MICU1: variants seen among roughly 807,000 people sequenced by gnomAD.
MICU1 encodes mitochondrial calcium uptake 1.
A neutral mutation model predicts 56.8 loss-of-function variants in MICU1; 45 were observed. The ratio of observed to expected loss-of-function variants is 0.79; its 90% CI spans 0.62 to 1.02. The LOEUF (loss-of-function observed/expected upper bound fraction) is 1.02, where lower values mean the gene tolerates loss of function less well. Among genes scored for constraint, MICU1 ranks in the 50% least tolerant of loss-of-function variants. The pLI is 0.00. For missense variants in MICU1, 504 were observed against 587.1 expected (o/e 0.86, Z 1.46); for synonymous variants, 186 against 195.1 (o/e 0.95, Z 0.39).
At chr10:72,433,239 CT>C (rs941716921) in intron 8 of MICU1, among the ~76,000 whole-genome samples, 2 of 151,956 alleles carry the variant, frequency 1.3e-5, no homozygotes, top group Non-Finnish European at 2.9e-5. Context: ...TGGTGCCTGG[CT>C]TTTTCTTCGC....
At position 72,601,940 on chromosome 10, in the gene MICU1, C is replaced by T. The variant is rs920394405; in HGVS notation, c.-2+24070G>A. On this transcript the variant is annotated intron_variant, in intron 1 of 11. Coordinates refer to ENST00000361114, the MANE Select transcript of MICU1 (RefSeq NM_001195518.2). Reference sequence around the variant, plus strand: ...TCAGCCTCCTGAGTAGATGGGACTACAGGAGAGTGCCACCATGCCTGGCTA... The same window carrying T: ...TCAGCCTCCTGAGTAGATGGGACTATAGGAGAGTGCCACCATGCCTGGCTA... Among the ~76,000 whole-genome samples, 10 of 151,746 alleles carry T rather than the reference C, an allele frequency of 6.6e-5. No individual in the cohort carries two copies. In the South Asian group the frequency reaches 2.1e-3, roughly 32 times the overall value.
At chr10:72,475,366 A>C in intron 7 of MICU1, 69 bp from the exon 8 acceptor site, 1 of 1,340,250 alleles carries the variant, frequency 7.5e-7, no homozygotes, top group South Asian at 1.4e-5. Flanking sequence ...TAGAAAAGCA[A>C]GAATCATAAC....
intron 1 of MICU1, among the ~76,000 whole-genome samples, chr10:72,586,542 C>T (rs1841066485): frequency 6.6e-6 from 1 of 151,832 alleles, no homozygotes; most frequent in South Asian, 2.1e-4. Context: ...ATCCCAGCTA[C>T]TCGGGAGGCT....
In MICU1 at chr10:72,368,128, C is replaced by T. The variant is rs1413632472; in HGVS notation, c.*67G>A. ...TCCAGAAGCAGCAGCACAAAGGGCT[C>T]TGCCGAGACTCTGCGGAGGGGGTCC... On this transcript the variant is annotated 3_prime_UTR_variant, in exon 12 of 12. Coordinates refer to ENST00000361114, the MANE Select transcript of MICU1 (RefSeq NM_001195518.2). The T allele has an allele frequency of 2.0e-6, 3 of 1,516,274 alleles. No homozygotes were observed. In the African/African-American group the frequency reaches 4.1e-5, roughly 21 times the overall value. The allele number at this position is 1,516,274 out of a possible 1,614,324, so 93.9% of individuals were successfully genotyped here. A position where few individuals can be genotyped will look rare whatever the true frequency, so the allele number is the denominator to read the frequency against.
At chr10:72,617,428 A>G (rs1159712999) in intron 1 of MICU1, among the ~76,000 whole-genome samples, 1 of 152,164 alleles carries the variant, frequency 6.6e-6, no homozygotes, top group South Asian at 2.1e-4. Flanking sequence ...TATGCTAAGT[A>G]CCTGATATCC....
intron 4 of MICU1, among the ~76,000 whole-genome samples, chr10:72,546,451 C>T (rs182714522): frequency 1.9e-4 from 29 of 152,260 alleles, no homozygotes; most frequent in South Asian, 2.1e-4. Flanking sequence ...AATCTGGCCG[C>T]TTCTGTATCT....
At chr10:72,583,544 G>A (rs1358023183) in intron 1 of MICU1, among the ~76,000 whole-genome samples, 1 of 151,884 alleles carries the variant, frequency 6.6e-6, no homozygotes, top group African/African-American at 2.4e-5. Context: ...GCCTCCCAAG[G>A]CATGATTACA....
Position 72,368,142 on chromosome 10 carries a change from C to T in MICU1, c.*53G>A, listed in dbSNP as rs4132880. The stretch of plus-strand genomic sequence containing the variant: ...CACAAAGGGCTCTGCCGAGACTCTG[C>T]GGAGGGGGTCCAGGGTACTGGGGGT... On this transcript the variant is annotated 3_prime_UTR_variant, in exon 12 of 12. Transcript: ENST00000361114. 28 of 1,562,056 alleles carry T rather than the reference C, an allele frequency of 1.8e-5. No individual in the cohort carries two copies. The highest frequency in any genetic ancestry group is 2.2e-5 in the Non-Finnish European group (25 of 1,145,420).
At chr10:72,533,172 A>G (rs562900483) in intron 5 of MICU1, 2 of 1,284,882 alleles carry the variant, frequency 1.6e-6, no homozygotes, top group South Asian at 2.5e-5. Context: ...CCTGAAAGGA[A>G]AAAACATGTT....
At position 72,397,852 on chromosome 10, in the gene MICU1, C is replaced by A. The variant is rs1021171166; in HGVS notation, c.1180+10077G>T. Among the ~76,000 whole-genome samples, 9 of 152,190 alleles carry A rather than the reference C, an allele frequency of 5.9e-5. 1 individual carries two copies. The South Asian group carries it at 1.9e-3, about 31-fold the overall frequency. On this transcript the variant is annotated intron_variant, in intron 10 of 11. Transcript: ENST00000361114. ...AATAACGGGAGACTTTAACACCCCA[C>A]TGTCAATACTAGACAGATCAATGAG...
chr10:72,455,341 ACT>A (rs1306303433), intron 8 of MICU1, among the ~76,000 whole-genome samples: 2 of 108,690 alleles, frequency 1.8e-5, no homozygotes, highest in African/African-American at 7.6e-5. Flanking sequence ...CAAGAGCAAG[ACT>A]CTGTCTCAAA....
At chr10:72,417,989 A>C (rs1310347024) in intron 9 of MICU1, among the ~76,000 whole-genome samples, 1 of 152,206 alleles carries the variant, frequency 6.6e-6, no homozygotes, top group Non-Finnish European at 1.5e-5. Context: ...TCATGGCAGA[A>C]GGGGAAGCAA....
At chr10:72,482,692 G>A (rs930030715) in intron 6 of MICU1, among the ~76,000 whole-genome samples, 5 of 151,650 alleles carry the variant, frequency 3.3e-5, no homozygotes, top group Non-Finnish European at 7.4e-5. Flanking sequence ...TTTATATGAT[G>A]GCCCTCTGAA....
At chr10:72,611,200 G>A (rs1473830070) in intron 1 of MICU1, among the ~76,000 whole-genome samples, 1 of 152,056 alleles carries the variant, frequency 6.6e-6, no homozygotes, top group Non-Finnish European at 1.5e-5. Flanking sequence ...CTACTCGGGA[G>A]GCTGAGGCAG....
At chr10:72,500,294 ATATATATATTTTTTTTTTTTTTTT>A (rs1867015189) in intron 6 of MICU1, among the ~76,000 whole-genome samples, 1 of 7,142 alleles carries the variant, frequency 1.4e-4, no homozygotes, top group African/African-American at 2.5e-4. Context: ...ATATATATAT[ATATATATATTTTTTTTTTTTTTTT>A]TTTTTTTTTT....
intron 1 of MICU1, among the ~76,000 whole-genome samples, chr10:72,601,022 T>C (rs1841518403): frequency 1.3e-5 from 2 of 152,148 alleles, no homozygotes; most frequent in African/African-American, 4.8e-5. Flanking sequence ...GAAGAAGAAG[T>C]TGTGATCAGG....
intron 4 of MICU1, among the ~76,000 whole-genome samples, chr10:72,537,922 CA>C (rs1390916168): frequency 4.6e-5 from 7 of 152,118 alleles, no homozygotes; most frequent in African/African-American, 1.7e-4. Flanking sequence ...TATGTCATTT[CA>C]AGATCTACAA....
At chr10:72,522,290 T>C (rs1339288807) in intron 5 of MICU1, among the ~76,000 whole-genome samples, 1 of 152,152 alleles carries the variant, frequency 6.6e-6, no homozygotes, top group Non-Finnish European at 1.5e-5. Context: ...TTTTGAATCT[T>C]GTTTTATGAT....
At chr10:72,545,187 C>A (rs909810424) in intron 4 of MICU1, among the ~76,000 whole-genome samples, 2 of 152,080 alleles carry the variant, frequency 1.3e-5, no homozygotes, top group African/African-American at 4.8e-5. Context: ...AATTCCTGTT[C>A]ATGAGCAAAT....
Sources: gnomAD v4.1 joint callset for allele counts (sites outside exome capture counted in the v4.1 genomes callset) on GRCh38, gnomAD v4.1.1 for gene constraint, MANE v1.5 for transcripts, NCBI Gene and HGNC (gene_info 2026-07-23, HGNC 2026-07-21) for gene names.